Variants in DDR2 observed in about 807,000 individuals in gnomAD.
DDR2 encodes the protein discoidin domain receptor tyrosine kinase 2.
A neutral mutation model predicts 94.9 loss-of-function variants in DDR2; 27 were observed. The observed-to-expected ratio is 0.28, with a 90% CI of 0.21 to 0.39. The LOEUF is 0.39. Ranked by LOEUF, DDR2 falls within the 10% of genes least tolerant of loss-of-function variation. The pLI, the probability that DDR2 is intolerant of heterozygous loss-of-function variation, is 1.00. For missense variants in DDR2, 783 were observed against 1,076.0 expected (o/e 0.73, Z 3.81); for synonymous variants, 382 against 377.2 (o/e 1.01, Z -0.15).
rs1464996229 is a variant in DDR2, at chr1:162,761,092, T to C, written c.856-119T>C. 6.2e-6 allele frequency: 9 copies of C among 1,440,718 alleles called. No homozygotes were observed. In the South Asian group the frequency reaches 7.1e-5, roughly 11 times the overall value. 89.2% of individuals were successfully genotyped at this position (1,440,718 alleles called of 1,614,324 possible). On this transcript the variant is annotated intron_variant, in intron 8 of 17. Transcript: ENST00000367921. ...GGAAGCAGGATGGCAGTCTTCCTCT[T>C]ACCTCAGTTCAGAATAGCTCGAATC... is the stretch of plus-strand genomic sequence containing the variant.
intron 3 of DDR2, among the ~76,000 whole-genome samples, chr1:162,737,051 T>C (rs1189895971): frequency 6.6e-6 from 1 of 152,198 alleles, no homozygotes; most frequent in Admixed American, 6.5e-5. Flanking sequence ...CCATGCTGTA[T>C]ATGTACCACA....
chr1:162,725,547 T>C (rs1272550136), intron 3 of DDR2, among the ~76,000 whole-genome samples: 1 of 151,990 alleles, frequency 6.6e-6, no homozygotes, highest in Non-Finnish European at 1.5e-5. Flanking sequence ...CCCAACTAGT[T>C]TGGGTACTTT....
intron 10 of DDR2, 52 bp from the exon 11 acceptor site, chr1:162,767,177 T>C (rs1558075032): frequency 6.2e-7 from 1 of 1,613,646 alleles, no homozygotes; most frequent in Non-Finnish European, 8.5e-7. Context: ...CCTCATACTT[T>C]TACTTGACCT....
chr1:162,666,914 A>C (rs1658604068), intron 2 of DDR2, among the ~76,000 whole-genome samples: 1 of 149,586 alleles, frequency 6.7e-6, no homozygotes, highest in South Asian at 2.1e-4. Flanking sequence ...TAATTATTTA[A>C]TATATATGTA....
intron 2 of DDR2, among the ~76,000 whole-genome samples, chr1:162,671,933 T>C (rs1283828498): frequency 6.6e-6 from 1 of 152,194 alleles, no homozygotes; most frequent in Admixed American, 6.5e-5. Flanking sequence ...ATGTCTCTCA[T>C]CTCTCCCTCC....
chr1:162,690,027 AAGAC>A (rs1424305664), intron 2 of DDR2, among the ~76,000 whole-genome samples: 2 of 151,162 alleles, frequency 1.3e-5, no homozygotes, highest in South Asian at 2.1e-4. Flanking sequence ...AAAAAAAAAA[AAGAC>A]AGAATGCTGA....
chr1:162,760,074 C>T, intron 8 of DDR2, 95 bp downstream of exon 8: 1 of 1,506,152 alleles, frequency 6.6e-7, no homozygotes. Context: ...TAGGCTGATG[C>T]CAGTTCAATG....
At chr1:162,774,210 A>C (rs1405676854) in intron 14 of DDR2, among the ~76,000 whole-genome samples, 1 of 152,094 alleles carries the variant, frequency 6.6e-6, no homozygotes, top group Non-Finnish European at 1.5e-5. Context: ...TTCCAGCCAC[A>C]CTTCATTGTC....
At chr1:162,688,748 TA>T (rs1470029472) in intron 2 of DDR2, among the ~76,000 whole-genome samples, 1 of 152,180 alleles carries the variant, frequency 6.6e-6, no homozygotes, top group Non-Finnish European at 1.5e-5. Flanking sequence ...GGGTTGAACT[TA>T]GCTATTATTC....
At chr1:162,732,227 T>A (rs1364416388) in intron 3 of DDR2, among the ~76,000 whole-genome samples, 1 of 152,210 alleles carries the variant, frequency 6.6e-6, no homozygotes, top group Non-Finnish European at 1.5e-5. Flanking sequence ...AATAGCCCTG[T>A]AGGCTGAAGA....
intron 2 of DDR2, among the ~76,000 whole-genome samples, chr1:162,694,020 A>T (rs1206164063): frequency 1.3e-5 from 2 of 152,036 alleles, no homozygotes; most frequent in Non-Finnish European, 2.9e-5. Context: ...GGATTACAGG[A>T]ACATGCCAGC....
intron 2 of DDR2, among the ~76,000 whole-genome samples, chr1:162,658,389 C>G (rs1283312943): frequency 5.3e-5 from 8 of 152,124 alleles, no homozygotes; most frequent in Admixed American, 3.9e-4. Flanking sequence ...CTGCATAAAC[C>G]TCGATGTCTG....
At chr1:162,745,527 T>G (rs1294417718) in intron 3 of DDR2, among the ~76,000 whole-genome samples, 1 of 152,206 alleles carries the variant, frequency 6.6e-6, no homozygotes, top group Non-Finnish European at 1.5e-5. Context: ...TAGTTTAATT[T>G]TATTATCTTG....
intron 2 of DDR2, among the ~76,000 whole-genome samples, chr1:162,699,343 A>C (rs1660328563): frequency 6.6e-6 from 1 of 151,546 alleles, no homozygotes; most frequent in African/African-American, 2.4e-5. Flanking sequence ...GCACTGATTT[A>C]CATCTCCTTT....
At chr1:162,715,233 A>G (rs1661112140) in intron 2 of DDR2, among the ~76,000 whole-genome samples, 1 of 152,226 alleles carries the variant, frequency 6.6e-6, no homozygotes. Flanking sequence ...TACAACAACG[A>G]ATAAAATGAA....
At chr1:162,779,349 C>T (rs534572338) in intron 17 of DDR2, among the ~76,000 whole-genome samples, 1 of 152,152 alleles carries the variant, frequency 6.6e-6, no homozygotes, top group Admixed American at 6.5e-5. Flanking sequence ...CCTGTGAGAT[C>T]TGGAATTTAA....
intron 9 of DDR2, among the ~76,000 whole-genome samples, chr1:162,762,058 C>G (rs1663773965): frequency 6.6e-6 from 1 of 152,172 alleles, no homozygotes; most frequent in African/African-American, 2.4e-5. Context: ...AATATCCTGT[C>G]CATATTCAAG....
At chr1:162,694,230 AG>A (rs1159745929) in intron 2 of DDR2, among the ~76,000 whole-genome samples, 2 of 152,180 alleles carry the variant, frequency 1.3e-5, no homozygotes, top group African/African-American at 4.8e-5. Flanking sequence ...TCTGCCTAAA[AG>A]CCCTCCAGTG....
At chr1:162,653,962 C>T (rs1040400934) in intron 1 of DDR2, among the ~76,000 whole-genome samples, 3 of 152,044 alleles carry the variant, frequency 2.0e-5, no homozygotes, top group Non-Finnish European at 2.9e-5. Flanking sequence ...TTCAGCAGCC[C>T]GCCTGAACAC....
Sources: gnomAD v4.1 joint callset for allele counts (sites outside exome capture counted in the v4.1 genomes callset) on GRCh38, gnomAD v4.1.1 for gene constraint, MANE v1.5 for transcripts, NCBI Gene and HGNC (gene_info 2026-07-23, HGNC 2026-07-21) for gene names.